PRDM16: variants seen among roughly 807,000 people sequenced by gnomAD.
PRDM16 encodes the protein histone-lysine N-methyltransferase PRDM16.
PRDM16 carries 23 observed loss-of-function variants against 110.6 expected under a neutral mutation model. That is an observed-to-expected ratio of 0.21 (90% CI 0.15 to 0.29). The LOEUF is 0.29. Among genes scored for constraint, PRDM16 ranks in the 10% least tolerant of loss-of-function variants. The pLI, the probability that PRDM16 is intolerant of heterozygous loss-of-function variation, is 1.00. For missense variants in PRDM16, 1,615 were observed against 1,794.3 expected (o/e 0.90, Z 1.81); for synonymous variants, 799 against 781.8 (o/e 1.02, Z -0.37).
intron 3 of PRDM16, among the ~76,000 whole-genome samples, chr1:3,372,160 C>T (rs1367274582): frequency 6.6e-6 from 1 of 152,230 alleles, no homozygotes; most frequent in Non-Finnish European, 1.5e-5. Flanking sequence ...CAGGAACCAA[C>T]CAACGGGGAA....
chr1:3,419,436 A>T (rs1453995169), intron 12 of PRDM16, among the ~76,000 whole-genome samples: 10 of 152,180 alleles, frequency 6.6e-5, no homozygotes, highest in Admixed American at 5.9e-4. Context: ...TTGTCATCCC[A>T]TTTCAAAGAT....
At chr1:3,377,613 T>C (rs1280509358) in intron 3 of PRDM16, among the ~76,000 whole-genome samples, 1 of 151,470 alleles carries the variant, frequency 6.6e-6, no homozygotes, top group Non-Finnish European at 1.5e-5. Context: ...CCTTTGGAGG[T>C]CCTAGGACTC....
chr1:3,205,359 G>A (rs555221019), intron 2 of PRDM16, among the ~76,000 whole-genome samples: 104 of 152,214 alleles, frequency 6.8e-4, no homozygotes, highest in African/African-American at 2.3e-3. Flanking sequence ...ACTTACACCC[G>A]GGAAAATGCC....
At chr1:3,386,330 G>A (rs1643198092) in intron 4 of PRDM16, among the ~76,000 whole-genome samples, 1 of 152,254 alleles carries the variant, frequency 6.6e-6, no homozygotes, top group African/African-American at 2.4e-5. Flanking sequence ...GCCATTGAAA[G>A]TGATTCAAGG....
chr1:3,231,593 T>C (rs1639418108), intron 2 of PRDM16, among the ~76,000 whole-genome samples: 1 of 152,168 alleles, frequency 6.6e-6, no homozygotes, highest in African/African-American at 2.4e-5. Flanking sequence ...CTGCCGTCCT[T>C]CCCAGCTCTG....
intron 1 of PRDM16, among the ~76,000 whole-genome samples, chr1:3,154,578 C>A (rs1310744539): frequency 1.3e-5 from 2 of 152,186 alleles, no homozygotes; most frequent in African/African-American, 4.8e-5. Flanking sequence ...TTTCCCTTGG[C>A]CCCCATGGCC....
intron 3 of PRDM16, among the ~76,000 whole-genome samples, chr1:3,320,167 TAAG>T (rs1347527709): frequency 6.6e-6 from 1 of 152,106 alleles, no homozygotes; most frequent in Non-Finnish European, 1.5e-5. Context: ...AGCACCGAAA[TAAG>T]AACACACATG....
chr1:3,226,685 A>C (rs1424546154), intron 2 of PRDM16, among the ~76,000 whole-genome samples: 1 of 152,188 alleles, frequency 6.6e-6, no homozygotes, highest in African/African-American at 2.4e-5. Flanking sequence ...CCTGACGTTG[A>C]AGGCCATGCC....
In PRDM16 at chr1:3,146,268, T is replaced by TG. The variant is rs892480235; in HGVS notation, c.38-39849dup. On this transcript the variant is annotated intron_variant, in intron 1 of 16. Transcript: ENST00000270722. ...GAACGTTCGCTGACTTCATCTGGGGTGGGGGGGGCCTCCCCGCTAACAGCC... is the reference window on the plus strand; with the variant it reads ...GAACGTTCGCTGACTTCATCTGGGGTGGGGGGGGGCCTCCCCGCTAACAGCC... Among the ~76,000 whole-genome samples, 138 of 152,000 alleles carry TG rather than the reference T, an allele frequency of 9.1e-4. 1 individual carries two copies. In the East Asian group the frequency reaches 0.013, roughly 15 times the overall value.
intron 10 of PRDM16, among the ~76,000 whole-genome samples, chr1:3,417,535 C>T (rs564241772): frequency 6.6e-6 from 1 of 152,184 alleles, no homozygotes; most frequent in Admixed American, 6.5e-5. Context: ...TCACTCAGGT[C>T]CCGCCCAAAC....
intron 2 of PRDM16, among the ~76,000 whole-genome samples, chr1:3,193,247 C>T (rs1049693074): frequency 4.6e-5 from 7 of 152,334 alleles, no homozygotes; most frequent in South Asian, 2.1e-4. Flanking sequence ...CCTTCCTGCC[C>T]GTCCCGCCTC....
At chr1:3,262,124 T>C (rs150054548) in intron 3 of PRDM16, among the ~76,000 whole-genome samples, 3 of 152,312 alleles carry the variant, frequency 2.0e-5, no homozygotes, top group East Asian at 3.9e-4. Flanking sequence ...GGTGAAGAAA[T>C]TGGGCACAGA....
At chr1:3,105,977 A>G (rs983102220) in intron 1 of PRDM16, among the ~76,000 whole-genome samples, 1 of 150,330 alleles carries the variant, frequency 6.7e-6, no homozygotes, top group Non-Finnish European at 1.5e-5. Flanking sequence ...GGGTGGGGGC[A>G]GGACATGTCC....
intron 1 of PRDM16, among the ~76,000 whole-genome samples, chr1:3,146,175 G>A (rs753578873): frequency 5.9e-5 from 9 of 152,190 alleles, no homozygotes; most frequent in East Asian, 5.8e-4. Context: ...ATATTCTGCC[G>A]CCTTCTGCAC....
chr1:3,332,033 G>A (rs916026648), intron 3 of PRDM16, among the ~76,000 whole-genome samples: 1 of 152,228 alleles, frequency 6.6e-6, no homozygotes, highest in Admixed American at 6.5e-5. Context: ...GGGCTTGGAG[G>A]TCCCACCCTG....
intron 3 of PRDM16, among the ~76,000 whole-genome samples, chr1:3,259,149 G>T (rs967582408): frequency 2.8e-4 from 43 of 152,294 alleles, no homozygotes; most frequent in African/African-American, 9.9e-4. Context: ...CCTCCGTCCC[G>T]GCCCTTCTGC....
intron 3 of PRDM16, chr1:3,308,089 C>G (rs1300166680): frequency 6.6e-6 from 1 of 152,202 alleles, no homozygotes; most frequent in Non-Finnish European, 1.5e-5. Context: ...GGGCACTGCT[C>G]AGCTTTGGAT....
intron 3 of PRDM16, among the ~76,000 whole-genome samples, chr1:3,356,461 A>C (rs1457475888): frequency 1.3e-5 from 2 of 152,162 alleles, no homozygotes; most frequent in African/African-American, 4.8e-5. Flanking sequence ...AGCATTTGAA[A>C]TCCTCCCTTT....
intron 2 of PRDM16, among the ~76,000 whole-genome samples, chr1:3,238,290 T>C (rs1167580163): frequency 6.6e-6 from 1 of 152,130 alleles, no homozygotes; most frequent in African/African-American, 2.4e-5. Flanking sequence ...GAGACCTCTG[T>C]GCATTTCAGG....
Sources: gnomAD v4.1 joint callset for allele counts (sites outside exome capture counted in the v4.1 genomes callset) on GRCh38, gnomAD v4.1.1 for gene constraint, MANE v1.5 for transcripts, NCBI Gene and HGNC (gene_info 2026-07-23, HGNC 2026-07-21) for gene names.